The following KLHL2 variants were observed in gnomAD, a reference collection of about 807,000 sequenced individuals.
The protein encoded by KLHL2 is kelch-like protein 2.
In KLHL2, 15 loss-of-function variants were observed where a neutral mutation model predicts 75.8. The observed-to-expected ratio is 0.20, with a 90% CI of 0.13 to 0.30. The LOEUF (loss-of-function observed/expected upper bound fraction) is 0.30. KLHL2 is among the 10% of genes least tolerant of loss of function. KLHL2 has a pLI of 1.00. For missense variants in KLHL2, 381 were observed against 741.0 expected (o/e 0.51, Z 5.64); for synonymous variants, 214 against 251.9 (o/e 0.85, Z 1.42).
At chr4:165,276,585 G>A (rs1182240921) in intron 5 of KLHL2, among the ~76,000 whole-genome samples, 6 of 152,108 alleles carry the variant, frequency 3.9e-5, no homozygotes, top group Admixed American at 2.0e-4. Context: ...TAAGAAGCTA[G>A]ATTAGGTGAC....
rs1288608280 is a variant in KLHL2 at position 165,279,497 on chromosome 4, T to A, written c.545-14862T>A. The A allele has an allele frequency of 2.5e-6, 4 of 1,574,452 alleles. No homozygotes were observed. In the Middle Eastern group the frequency reaches 5.0e-4, roughly 197 times the overall value. On this transcript the variant is annotated intron_variant, in intron 5 of 14. Coordinates refer to ENST00000226725, the MANE Select transcript of KLHL2 (RefSeq NM_007246.4). ...CTTAGGGTCCTGTTCCACCCATCCT[T>A]CTCTTGGGAACTCTTGTTTTATTTC... is the stretch of plus-strand genomic sequence containing the variant.
At chr4:165,239,036 G>T in intron 4 of KLHL2, 137 bp downstream of exon 4, 2 of 1,394,112 alleles carry the variant, frequency 1.4e-6, no homozygotes, top group Non-Finnish European at 1.9e-6. Flanking sequence ...AAAAATATTT[G>T]GAATGATTAC....
intron 6 of KLHL2, among the ~76,000 whole-genome samples, chr4:165,296,632 A>G (rs898088876): frequency 2.0e-5 from 3 of 152,166 alleles, no homozygotes; most frequent in Non-Finnish European, 4.4e-5. Context: ...GGTGAGGGCC[A>G]GATGAGAGGA....
At chr4:165,283,128 A>G (rs1560802617) in intron 5 of KLHL2, among the ~76,000 whole-genome samples, 1 of 152,170 alleles carries the variant, frequency 6.6e-6, no homozygotes, top group East Asian at 1.9e-4. Context: ...CCCACAACAC[A>G]TGGGAATTAT....
chr4:165,254,280 C>G (rs1740978529), intron 4 of KLHL2, among the ~76,000 whole-genome samples: 1 of 152,044 alleles, frequency 6.6e-6, no homozygotes, highest in African/African-American at 2.4e-5. Context: ...TTTTTAAAGC[C>G]ATTATTAGTC....
intron 5 of KLHL2, among the ~76,000 whole-genome samples, chr4:165,263,730 T>G (rs2111236300): frequency 6.6e-6 from 1 of 151,838 alleles, no homozygotes. Context: ...GTATTTTTCT[T>G]TCAAATTGTT....
At chr4:165,277,916 A>G in intron 5 of KLHL2, 1 of 876,302 alleles carries the variant, frequency 1.1e-6, no homozygotes, top group Non-Finnish European at 2.0e-6. Flanking sequence ...GCATTAAGAG[A>G]CAATTGCTGG....
At chr4:165,311,832 TG>T (rs1442494665) in intron 11 of KLHL2, among the ~76,000 whole-genome samples, 1 of 151,762 alleles carries the variant, frequency 6.6e-6, no homozygotes, top group Admixed American at 6.6e-5. Context: ...TGTGTGTGTG[TG>T]TGTGTGTGTG....
chr4:165,277,907 C>T (rs1160839634), intron 5 of KLHL2: 1 of 854,624 alleles, frequency 1.2e-6, no homozygotes, highest in Non-Finnish European at 2.1e-6. Context: ...AGTGTCATCG[C>T]ATTAAGAGAC....
intron 14 of KLHL2, 145 bp from the exon 15 acceptor site, chr4:165,321,887 A>T: frequency 2.8e-6 from 2 of 725,776 alleles, no homozygotes; most frequent in African/African-American, 1.8e-5. Flanking sequence ...AAATGATAAT[A>T]CTACTAAAGT....
At chr4:165,219,161 T>TA (rs912421765) in intron 1 of KLHL2, among the ~76,000 whole-genome samples, 1 of 152,194 alleles carries the variant, frequency 6.6e-6, no homozygotes, top group Non-Finnish European at 1.5e-5. Context: ...CTTGTGTGCT[T>TA]AAAAAATGTA....
chr4:165,228,332 A>G (rs146533868), intron 2 of KLHL2, among the ~76,000 whole-genome samples: 1,631 of 152,272 alleles, frequency 0.011, 20 homozygotes, highest in African/African-American at 0.035. Context: ...GTAACTGAAT[A>G]TAATTTTACC....
At chr4:165,280,399 G>A (rs10023176) in intron 5 of KLHL2, among the ~76,000 whole-genome samples, 35,808 of 152,134 alleles carry the variant, frequency 0.24, 6,286 homozygotes, top group African/African-American at 0.5. Context: ...CCACCTTTCT[G>A]TAATTTAGGC....
At chr4:165,259,901 A>G (rs1372283119) in intron 4 of KLHL2, among the ~76,000 whole-genome samples, 2 of 151,966 alleles carry the variant, frequency 1.3e-5, no homozygotes, top group East Asian at 3.9e-4. Flanking sequence ...TTCATCACAC[A>G]AATTAGAAGG....
chr4:165,271,205 A>T (rs546984518), intron 5 of KLHL2, among the ~76,000 whole-genome samples: 28 of 151,960 alleles, frequency 1.8e-4, no homozygotes, highest in African/African-American at 6.3e-4. Flanking sequence ...TGGCATTTTG[A>T]TAGGAATTGC....
chr4:165,254,068 T>C (rs1414806111), intron 4 of KLHL2, among the ~76,000 whole-genome samples: 1 of 152,252 alleles, frequency 6.6e-6, no homozygotes, highest in Non-Finnish European at 1.5e-5. Flanking sequence ...CACTATGTGT[T>C]AAAAATACTT....
intron 13 of KLHL2, among the ~76,000 whole-genome samples, chr4:165,315,010 G>A (rs1746486957): frequency 6.6e-6 from 1 of 152,148 alleles, no homozygotes; most frequent in Admixed American, 6.6e-5. Flanking sequence ...TGCAGATACT[G>A]TTGGCAGCAG....
chr4:165,293,738 G>A (rs904557263), intron 5 of KLHL2, among the ~76,000 whole-genome samples: 4 of 145,694 alleles, frequency 2.7e-5, no homozygotes, highest in Admixed American at 7.1e-5. Flanking sequence ...GGATGGTCTC[G>A]ATCTCCTGAC....
At chr4:165,213,208 A>T (rs559584282) in intron 1 of KLHL2, among the ~76,000 whole-genome samples, 3 of 152,280 alleles carry the variant, frequency 2.0e-5, no homozygotes, top group East Asian at 3.9e-4. Context: ...AATGGATTTC[A>T]TCACTTGATA....
Sources: allele counts gnomAD v4.1 joint callset (sites outside exome capture counted in the v4.1 genomes callset), GRCh38; gene constraint gnomAD v4.1.1; transcripts MANE v1.5; gene names NCBI Gene and HGNC (gene_info 2026-07-23, HGNC 2026-07-21).